The following PCDH15 variants were observed in gnomAD, a reference collection of about 807,000 sequenced individuals.
PCDH15 encodes the protein protocadherin related 15.
In PCDH15, 129 loss-of-function variants were observed where a neutral mutation model predicts 178.5. The ratio of observed to expected loss-of-function variants is 0.72; its 90% CI spans 0.63 to 0.84. The LOEUF (loss-of-function observed/expected upper bound fraction) is 0.84, where lower values mean the gene tolerates loss of function less well. Ranked by LOEUF, PCDH15 falls within the 40% of genes least tolerant of loss-of-function variation. PCDH15 has a pLI of 0.00. For synonymous variants in PCDH15, 800 were observed against 732.0 expected (o/e 1.09, Z -1.50); for missense variants, 2,230 against 2,099.9 (o/e 1.06, Z -1.21).
At chr10:54,205,020 T>C (rs545438491) in intron 10 of PCDH15, among the ~76,000 whole-genome samples, 1 of 152,316 alleles carries the variant, frequency 6.6e-6, no homozygotes, top group South Asian at 2.1e-4. Context: ...TTTTATCATA[T>C]CTTCCTAAGT....
chr10:53,918,713 A>AACACACACACAC (rs5741702), intron 25 of PCDH15, among the ~76,000 whole-genome samples: 2 of 146,970 alleles, frequency 1.4e-5, no homozygotes, highest in Non-Finnish European at 1.5e-5. Context: ...CAAATACACA[A>AACACACACACAC]ACACACACAC....
intron 2 of PCDH15, among the ~76,000 whole-genome samples, chr10:54,969,969 G>A (rs1390438206): frequency 6.6e-6 from 1 of 152,112 alleles, no homozygotes; most frequent in Non-Finnish European, 1.5e-5. Context: ...GCCTTCCTAT[G>A]GTTTGAATAC....
chr10:54,709,992 G>A (rs1226827208), intron 1 of PCDH15, among the ~76,000 whole-genome samples: 1 of 149,396 alleles, frequency 6.7e-6, no homozygotes, highest in African/African-American at 2.5e-5. Context: ...ATATGTACTA[G>A]ACATGTAATA....
At chr10:54,515,970 G>C (rs1299736695) in intron 3 of PCDH15, among the ~76,000 whole-genome samples, 1 of 152,072 alleles carries the variant, frequency 6.6e-6, no homozygotes, top group Non-Finnish European at 1.5e-5. Flanking sequence ...CAAACAGAAA[G>C]GACATCCACA....
chr10:54,873,792 T>C (rs1306719926), intron 3 of PCDH15, among the ~76,000 whole-genome samples: 1 of 148,174 alleles, frequency 6.7e-6, no homozygotes, highest in Non-Finnish European at 1.5e-5. Context: ...TGTGTATATA[T>C]ATATGTTGGC....
chr10:54,824,862 C>T (rs1953099714), intron 3 of PCDH15, among the ~76,000 whole-genome samples: 1 of 151,488 alleles, frequency 6.6e-6, no homozygotes, highest in Non-Finnish European at 1.5e-5. Flanking sequence ...AATAAAAAGC[C>T]TACTTCTTTT....
At chr10:54,791,180 C>T (rs1237148775) in intron 1 of PCDH15, among the ~76,000 whole-genome samples, 1 of 151,750 alleles carries the variant, frequency 6.6e-6, no homozygotes, top group Non-Finnish European at 1.5e-5. Context: ...TATAAGGGCC[C>T]AGAGCTCTTC....
intron 20 of PCDH15, 67 bp from the exon 21 acceptor site, chr10:53,995,832 G>A (rs1589822898): frequency 7.3e-7 from 1 of 1,371,390 alleles, no homozygotes; most frequent in Non-Finnish European, 1.0e-6. Flanking sequence ...TTACTAGATT[G>A]ACTCCCAGTC....
intron 2 of PCDH15, among the ~76,000 whole-genome samples, chr10:55,582,628 A>ATTTTTT (rs1554800566): frequency 1.2e-4 from 8 of 69,038 alleles, no homozygotes; most frequent in African/African-American, 5.3e-4. Flanking sequence ...ATATATATAT[A>ATTTTTT]TTTTTTTTTT....
chr10:55,116,341 C>A (rs77249453), intron 2 of PCDH15, among the ~76,000 whole-genome samples: 1 of 152,172 alleles, frequency 6.6e-6, no homozygotes, highest in South Asian at 2.1e-4. Flanking sequence ...TTTGACTCAG[C>A]TATACATAAA....
chr10:55,158,866 AG>A (rs1194320540), intron 2 of PCDH15, among the ~76,000 whole-genome samples: 1 of 118,022 alleles, frequency 8.5e-6, no homozygotes, highest in Non-Finnish European at 1.9e-5. Flanking sequence ...TCAGAAAGAA[AG>A]GGAGAGAGGG....
chr10:54,203,105 A>G (rs1200265750), intron 10 of PCDH15, among the ~76,000 whole-genome samples: 3 of 152,194 alleles, frequency 2.0e-5, no homozygotes, highest in African/African-American at 7.2e-5. Context: ...AACTCCAGAT[A>G]ATACAGTGCA....
chr10:54,366,138 A>G lies in PCDH15; in HGVS notation c.474+2982T>C, dbSNP rs1589055914. 2.0e-5 allele frequency among the ~76,000 whole-genome samples: 3 copies of G among 152,128 alleles called. No homozygotes were observed. The East Asian group carries it at 5.8e-4, about 29-fold the overall frequency. ...GTCAATTTTGTAACCATCAATTTAT[A>G]CTACTGCTCCAGTTCTCAGTTTTCT... is the stretch of plus-strand genomic sequence containing the variant. On this transcript the variant is annotated intron_variant, in intron 5 of 37. Coordinates refer to ENST00000644397, the MANE Select transcript of PCDH15 (RefSeq NM_001384140.1).
At chr10:53,830,441 A>C (rs61858292) in intron 30 of PCDH15, among the ~76,000 whole-genome samples, 60,256 of 151,742 alleles carry the variant, frequency 0.4, 12,611 homozygotes, top group East Asian at 0.75. Context: ...ATTTATTATT[A>C]CTGTCTGCTA....
chr10:54,597,076 C>A (rs1042253435), intron 2 of PCDH15, among the ~76,000 whole-genome samples: 1 of 152,052 alleles, frequency 6.6e-6, no homozygotes, highest in African/African-American at 2.4e-5. Context: ...AGAACATGAA[C>A]TTAACACTGG....
intron 2 of PCDH15, among the ~76,000 whole-genome samples, chr10:55,164,595 A>G (rs541989656): frequency 2.6e-4 from 40 of 152,038 alleles, no homozygotes; most frequent in Non-Finnish European, 4.0e-4. Flanking sequence ...GTTGTTCATA[A>G]TTTTCATAAT....
At chr10:54,657,035 A>T (rs193222280) in intron 2 of PCDH15, among the ~76,000 whole-genome samples, 4 of 152,240 alleles carry the variant, frequency 2.6e-5, no homozygotes, top group Admixed American at 2.0e-4. Context: ...CTCCCCTTCT[A>T]TACAAAGAAA....
chr10:54,502,022 CT>C (rs1414399787), intron 3 of PCDH15, among the ~76,000 whole-genome samples: 1 of 151,498 alleles, frequency 6.6e-6, no homozygotes, highest in Non-Finnish European at 1.5e-5. Flanking sequence ...CCTGTTTTTC[CT>C]TTTCCTCCTC....
intron 2 of PCDH15, among the ~76,000 whole-genome samples, chr10:55,620,746 T>A (rs1356984072): frequency 6.6e-6 from 1 of 151,536 alleles, no homozygotes; most frequent in Admixed American, 6.6e-5. Flanking sequence ...TAATATATAA[T>A]CTAGCAGTGG....
Sources: gnomAD v4.1 joint callset for allele counts (sites outside exome capture counted in the v4.1 genomes callset) on GRCh38, gnomAD v4.1.1 for gene constraint, MANE v1.5 for transcripts, NCBI Gene and HGNC (gene_info 2026-07-23, HGNC 2026-07-21) for gene names.